Variants in NWD2 observed in about 807,000 individuals in gnomAD.
The protein encoded by NWD2 is NACHT and WD repeat domain-containing protein 2.
A neutral mutation model predicts 132.7 loss-of-function variants in NWD2; 37 were observed. The observed-to-expected ratio is 0.28, with a 90% CI of 0.21 to 0.37. The LOEUF is 0.37. NWD2 is among the 10% of genes least tolerant of loss of function. The pLI is 1.00. For missense variants in NWD2, 1,592 were observed against 2,122.4 expected (o/e 0.75, Z 4.91); for synonymous variants, 705 against 803.0 (o/e 0.88, Z 2.06).
intron 3 of NWD2, among the ~76,000 whole-genome samples, chr4:37,396,831 G>A (rs1442891241): frequency 5.3e-5 from 8 of 152,074 alleles, no homozygotes; most frequent in Admixed American, 2.6e-4. Flanking sequence ...TCAGGAGTTC[G>A]AGACCAGCCT....
intron 3 of NWD2, among the ~76,000 whole-genome samples, chr4:37,396,808 G>A (rs1194157766): frequency 1.3e-5 from 2 of 152,146 alleles, no homozygotes; most frequent in Non-Finnish European, 1.5e-5. Context: ...CGAGGCGGGT[G>A]GATCAACTGA....
At chr4:37,431,270 A>T (rs181275530) in intron 4 of NWD2, among the ~76,000 whole-genome samples, 1 of 152,352 alleles carries the variant, frequency 6.6e-6, no homozygotes, top group Admixed American at 6.5e-5. Flanking sequence ...GCAAATGAAA[A>T]GATAAAGAAA....
intron 3 of NWD2, among the ~76,000 whole-genome samples, chr4:37,359,765 A>G (rs1480603597): frequency 1.3e-5 from 2 of 152,062 alleles, no homozygotes; most frequent in African/African-American, 4.8e-5. Flanking sequence ...GCCTTTTTCG[A>G]CTTCATTTCC....
At chr4:37,263,570 T>C (rs1160462765) in intron 1 of NWD2, among the ~76,000 whole-genome samples, 3 of 152,222 alleles carry the variant, frequency 2.0e-5, no homozygotes, top group East Asian at 3.9e-4. Context: ...ACTTCTAAGG[T>C]TTTATGAGGG....
rs116439743 is a variant in NWD2, at chr4:37,326,728, C to T, written c.240+704C>T. Among the ~76,000 whole-genome samples, 1,203 of 152,220 alleles carry T rather than the reference C, an allele frequency of 7.9e-3. 4 individuals are homozygous for T. Among genetic ancestry groups the T allele is most frequent in the South Asian group, 0.022 (106 of 4,824 alleles). On this transcript the variant is annotated intron_variant, in intron 2 of 6. Coordinates refer to ENST00000309447, the MANE Select transcript of NWD2 (RefSeq NM_001144990.2). ...AGTCAGAATTTTTCAGCCTCATTGG[C>T]GATGGAAATCCTAACTCTCCAGTGC... is the stretch of plus-strand genomic sequence containing the variant.
Position 37,245,170 on chromosome 4 carries a change from G to C in NWD2, c.103G>C (p.Val35Leu), listed in dbSNP as rs1450330756. 4 of 1,545,064 alleles carry C rather than the reference G, an allele frequency of 2.6e-6. No individual in the cohort carries two copies. The Admixed American group carries it at 7.9e-5, about 30-fold the overall frequency. ...CCTCACGGCCCTGCCCTCTCACCTC[G>C]TGCCCGCCGGCCGCAGCGTCCGGGT... Reference protein sequence around the residue: ...GNLTALPSHLVPAGRSVRVFI... With the variant: ...GNLTALPSHLLPAGRSVRVFI... The change falls in exon 1 of 7, where the codon GTG becomes CTG. Residue 35 changes from valine to leucine, a missense_variant. Around this residue, in one of 7 missense-constraint regions of NWD2, gnomAD observed 88 missense variants for 92.8 expected, o/e 0.95. Coordinates refer to ENST00000309447, the MANE Select transcript of NWD2 (RefSeq NM_001144990.2).
chr4:37,413,448 G>A (rs760291789), intron 3 of NWD2, among the ~76,000 whole-genome samples: 20 of 152,126 alleles, frequency 1.3e-4, no homozygotes, highest in Admixed American at 8.5e-4. Context: ...TTAGAATGGT[G>A]ATCATTAAAA....
At chr4:37,312,857 C>G (rs1718878410) in intron 1 of NWD2, among the ~76,000 whole-genome samples, 2 of 151,236 alleles carry the variant, frequency 1.3e-5, no homozygotes, top group African/African-American at 4.9e-5. Flanking sequence ...TGAATTTTGT[C>G]AAAGACCTTT....
intron 2 of NWD2, among the ~76,000 whole-genome samples, chr4:37,350,160 A>T (rs115985476): frequency 0.018 from 2,736 of 151,950 alleles, 37 homozygotes; most frequent in Non-Finnish European, 0.024. Flanking sequence ...GATTGTCTTT[A>T]TATGGGCTCT....
chr4:37,269,359 A>G (rs1028550541), intron 1 of NWD2, among the ~76,000 whole-genome samples: 1 of 151,896 alleles, frequency 6.6e-6, no homozygotes, highest in African/African-American at 2.4e-5. Flanking sequence ...AAAAAATGGA[A>G]GCTTAGTTTA....
chr4:37,386,803 C>T (rs1050079080), intron 3 of NWD2, among the ~76,000 whole-genome samples: 11 of 149,338 alleles, frequency 7.4e-5, no homozygotes, highest in Admixed American at 2.0e-4. Context: ...GTACCATTCC[C>T]ACAGTAATGG....
intron 1 of NWD2, among the ~76,000 whole-genome samples, chr4:37,296,227 G>A (rs992555862): frequency 9.2e-5 from 14 of 152,128 alleles, no homozygotes; most frequent in Admixed American, 2.6e-4. Context: ...GGGTGCCTTC[G>A]GGAGAAAATA....
chr4:37,389,530 T>C (rs1221111705), intron 3 of NWD2, among the ~76,000 whole-genome samples: 2 of 152,162 alleles, frequency 1.3e-5, no homozygotes, highest in African/African-American at 4.8e-5. Flanking sequence ...ACAGTGACAA[T>C]GGCTGCAGTT....
chr4:37,426,632 C>T (rs1353475173), intron 3 of NWD2, among the ~76,000 whole-genome samples: 1 of 152,190 alleles, frequency 6.6e-6, no homozygotes, highest in Non-Finnish European at 1.5e-5. Context: ...AACCATTCCT[C>T]ATGAGACCAT....
At chr4:37,401,436 T>G (rs2109315491) in intron 3 of NWD2, among the ~76,000 whole-genome samples, 1 of 152,294 alleles carries the variant, frequency 6.6e-6, no homozygotes, top group Admixed American at 6.5e-5. Flanking sequence ...CCTGTCCCTG[T>G]GTGGTTTACA....
intron 3 of NWD2, among the ~76,000 whole-genome samples, chr4:37,374,356 G>T (rs1720300891): frequency 6.6e-6 from 1 of 152,034 alleles, no homozygotes; most frequent in Admixed American, 6.5e-5. Context: ...GCAGAACAAG[G>T]AGCCAAAAAA....
chr4:37,308,904 A>G (rs1718771172), intron 1 of NWD2, among the ~76,000 whole-genome samples: 1 of 152,100 alleles, frequency 6.6e-6, no homozygotes. Context: ...TGGGCCCTAA[A>G]TGTGCCAGTC....
At chr4:37,414,374 A>C (rs949048534) in intron 3 of NWD2, among the ~76,000 whole-genome samples, 1 of 151,646 alleles carries the variant, frequency 6.6e-6, no homozygotes, top group African/African-American at 2.4e-5. Flanking sequence ...TTTAAAAATC[A>C]CTACTGCCTA....
At chr4:37,403,117 T>G (rs1216533926) in intron 3 of NWD2, among the ~76,000 whole-genome samples, 1 of 152,132 alleles carries the variant, frequency 6.6e-6, no homozygotes, top group African/African-American at 2.4e-5. Flanking sequence ...CATGCCACTC[T>G]CAGGAACTAC....
Sources: allele counts gnomAD v4.1 joint callset (sites outside exome capture counted in the v4.1 genomes callset), GRCh38; gene constraint gnomAD v4.1.1; regional missense constraint gnomAD v4.1.1; transcripts MANE v1.5; gene names NCBI Gene and HGNC (gene_info 2026-07-23, HGNC 2026-07-21).